The following BICRAL variants were observed in gnomAD, a reference collection of about 807,000 sequenced individuals.
BICRAL encodes the protein BRD4-interacting chromatin-remodeling complex-associated protein-like.
Under a neutral mutation model 91.8 loss-of-function variants are expected in BICRAL, and 8 were observed. That is an observed-to-expected ratio of 0.09 (90% CI 0.05 to 0.16). BICRAL has a LOEUF of 0.16. Among genes scored for constraint, BICRAL ranks in the 10% least tolerant of loss-of-function variants. BICRAL has a pLI of 1.00. For synonymous variants in BICRAL, 445 were observed against 491.1 expected (o/e 0.91, Z 1.24); for missense variants, 1,038 against 1,310.9 (o/e 0.79, Z 3.21).
intron 1 of BICRAL, chr6:42,747,098 T>C (rs1309934986): frequency 6.6e-6 from 1 of 152,022 alleles, no homozygotes; most frequent in Non-Finnish European, 1.5e-5. Context: ...AAGCGGTACA[T>C]TATTTCTAGG....
intron 1 of BICRAL, among the ~76,000 whole-genome samples, chr6:42,793,122 ATTTTTTTTTTTTTTTTTTTTTTTTTTTT>A (rs1159342197): frequency 2.7e-5 from 1 of 37,228 alleles, no homozygotes; most frequent in African/African-American, 1.2e-4. Flanking sequence ...TGCCCAGCTA[ATTTTTTTTTTTTTTTTTTTTTTTTTTTT>A]TTTTTTTTTT....
chr6:42,784,300 G>A (rs911330854), intron 1 of BICRAL, among the ~76,000 whole-genome samples: 1 of 152,196 alleles, frequency 6.6e-6, no homozygotes, highest in African/African-American at 2.4e-5. Flanking sequence ...ATCTATTAGA[G>A]ATGGGGGAGG....
In BICRAL at chr6:42,830,295, G is replaced by A. The variant is rs1582852837; in HGVS notation, c.1839+123G>A. The A allele has an allele frequency of 2.0e-6, 2 of 989,890 alleles. 1 individual carries two copies. Among genetic ancestry groups the A allele is most frequent in the Middle Eastern group, 4.4e-4 (2 of 4,516 alleles). The allele number at this position is 989,890 out of a possible 1,614,324, so 61.3% of individuals were successfully genotyped here. ...TCTTAAAAATTTTAGGCCAGGTGTA[G>A]TGGCTCATGCCTGTAATCCCAACAC... On this transcript the variant is annotated intron_variant, in intron 6 of 12. Coordinates refer to ENST00000314073, the MANE Select transcript of BICRAL (RefSeq NM_001393499.1).
chr6:42,783,873 G>A (rs1265677610), intron 1 of BICRAL, among the ~76,000 whole-genome samples: 6 of 152,192 alleles, frequency 3.9e-5, no homozygotes, highest in Non-Finnish European at 1.5e-5. Context: ...GAGAGTGGAC[G>A]TCTTTGTCTT....
chr6:42,804,018 T>G (rs1307417620), intron 1 of BICRAL, among the ~76,000 whole-genome samples: 1 of 151,984 alleles, frequency 6.6e-6, no homozygotes, highest in East Asian at 1.9e-4. Flanking sequence ...GTTGTTGTGT[T>G]TGTTTGTTTG....
chr6:42,791,901 C>T (rs1216110489), intron 1 of BICRAL, among the ~76,000 whole-genome samples: 3 of 152,202 alleles, frequency 2.0e-5, no homozygotes, highest in Non-Finnish European at 4.4e-5. Flanking sequence ...TATAACCTAC[C>T]ACACACCTAG....
chr6:42,813,337 C>T (rs1244925472), intron 2 of BICRAL, among the ~76,000 whole-genome samples: 1 of 151,284 alleles, frequency 6.6e-6, no homozygotes, highest in Non-Finnish European at 1.5e-5. Context: ...TTTAAAGTGT[C>T]CAGAGGAAAA....
chr6:42,854,466 G>T (rs1765284429), intron 8 of BICRAL, among the ~76,000 whole-genome samples: 1 of 151,862 alleles, frequency 6.6e-6, no homozygotes, highest in Non-Finnish European at 1.5e-5. Context: ...TTACAGGTGT[G>T]AGCCACTGTG....
intron 11 of BICRAL, among the ~76,000 whole-genome samples, chr6:42,860,558 C>T (rs1002552910): frequency 6.6e-6 from 1 of 152,192 alleles, no homozygotes; most frequent in Admixed American, 6.5e-5. Context: ...CAGTACTATT[C>T]TCTTGTTTAA....
chr6:42,837,451 G>T (rs1344168159), intron 6 of BICRAL, among the ~76,000 whole-genome samples: 1 of 151,520 alleles, frequency 6.6e-6, no homozygotes, highest in African/African-American at 2.4e-5. Flanking sequence ...ACATTAACTT[G>T]GTTCAAAAAA....
At chr6:42,807,844 A>C (rs578118098) in intron 1 of BICRAL, among the ~76,000 whole-genome samples, 30 of 152,134 alleles carry the variant, frequency 2.0e-4, no homozygotes, top group Non-Finnish European at 3.7e-4. Flanking sequence ...CAACTGAAAA[A>C]ATTTAACAGA....
chr6:42,752,520 C>T (rs544197915), intron 1 of BICRAL, among the ~76,000 whole-genome samples: 4 of 152,268 alleles, frequency 2.6e-5, no homozygotes, highest in African/African-American at 9.6e-5. Context: ...AATTATAGCT[C>T]ACTGCAGCCT....
intron 6 of BICRAL, 127 bp downstream of exon 6, chr6:42,830,299 C>T (rs551112974): frequency 2.1e-6 from 2 of 940,010 alleles, no homozygotes; most frequent in Admixed American, 4.9e-5. Flanking sequence ...GGTGTAGTGG[C>T]TCATGCCTGT....
intron 1 of BICRAL, among the ~76,000 whole-genome samples, chr6:42,806,211 G>C (rs539686629): frequency 1.8e-4 from 28 of 152,238 alleles, no homozygotes; most frequent in African/African-American, 6.0e-4. Flanking sequence ...TCAACCAGAG[G>C]CCCTTGTTTG....
intron 7 of BICRAL, chr6:42,852,586 C>T (rs761279935): frequency 5.2e-4 from 182 of 350,946 alleles, no homozygotes; most frequent in East Asian, 2.3e-3. Context: ...CGCTTGAACC[C>T]GGGAGGCAGA....
At chr6:42,828,342 A>G in intron 5 of BICRAL, 151 bp from the exon 6 acceptor site, 1 of 627,784 alleles carries the variant, frequency 1.6e-6, no homozygotes, top group Non-Finnish European at 2.6e-6. Flanking sequence ...CGGAGCTTGC[A>G]GTGAGCCGAG....
intron 1 of BICRAL, among the ~76,000 whole-genome samples, chr6:42,809,858 C>A (rs1763807343): frequency 6.6e-6 from 1 of 152,096 alleles, no homozygotes; most frequent in Non-Finnish European, 1.5e-5. Flanking sequence ...ATGATCCTAC[C>A]TCACTGCAAC....
At chr6:42,839,205 C>T (rs940660065) in intron 6 of BICRAL, among the ~76,000 whole-genome samples, 3 of 151,904 alleles carry the variant, frequency 2.0e-5, no homozygotes, top group Non-Finnish European at 4.4e-5. Flanking sequence ...GAGACTCTGT[C>T]TCCAAAAAAA....
At chr6:42,792,017 A>G (rs1040773118) in intron 1 of BICRAL, among the ~76,000 whole-genome samples, 2 of 152,214 alleles carry the variant, frequency 1.3e-5, no homozygotes, top group African/African-American at 4.8e-5. Flanking sequence ...CAACATATCT[A>G]AACATGGTAC....
Sources: gnomAD v4.1 joint callset for allele counts (sites outside exome capture counted in the v4.1 genomes callset) on GRCh38, gnomAD v4.1.1 for gene constraint, MANE v1.5 for transcripts, NCBI Gene and HGNC (gene_info 2026-07-23, HGNC 2026-07-21) for gene names.